The following CAMK1D variants were observed in gnomAD, a reference collection of about 807,000 sequenced individuals.
The protein encoded by CAMK1D is calcium/calmodulin dependent protein kinase ID.
Under a neutral mutation model 47.7 loss-of-function variants are expected in CAMK1D, and 9 were observed. The observed-to-expected ratio is 0.19, with a 90% CI of 0.11 to 0.33. The LOEUF is 0.33. CAMK1D is among the 10% of genes least tolerant of loss of function. CAMK1D has a pLI of 1.00. For missense variants in CAMK1D, 291 were observed against 488.7 expected, an observed-to-expected ratio of 0.60 and a Z score of 3.81; for synonymous variants, 184 against 184.9, an observed-to-expected ratio of 0.99 and a Z score of 0.04.
Position 12,635,093 on chromosome 10 carries a change from A to G in CAMK1D, c.225-31643A>G, listed in dbSNP as rs886718762. On this transcript the variant is annotated intron_variant, in intron 2 of 10. Transcript: ENST00000619168. ...AGGGACAGTGGATGATCAACAAGATAATTTTGGAAGCTGATAGGAGCTGTG... is the reference window on the plus strand; with the variant it reads ...AGGGACAGTGGATGATCAACAAGATGATTTTGGAAGCTGATAGGAGCTGTG... Among the ~76,000 whole-genome samples, 3 of 152,136 alleles carry G rather than the reference A, an allele frequency of 2.0e-5. No homozygotes were observed. The East Asian group carries it at 5.8e-4, about 29-fold the overall frequency.
intron 1 of CAMK1D, among the ~76,000 whole-genome samples, chr10:12,537,912 C>T (rs143539929): frequency 1.2e-4 from 19 of 152,024 alleles, no homozygotes; most frequent in Admixed American, 5.9e-4. Flanking sequence ...TTTAATCAAC[C>T]TGAATTCTTC....
intron 3 of CAMK1D, among the ~76,000 whole-genome samples, chr10:12,719,525 C>T (rs568070987): frequency 7.9e-5 from 12 of 152,284 alleles, no homozygotes; most frequent in Middle Eastern, 3.4e-3. Context: ...ACTTTCCTGG[C>T]GCCTGTGGGC....
intron 1 of CAMK1D, among the ~76,000 whole-genome samples, chr10:12,409,276 T>A (rs982424215): frequency 6.6e-6 from 1 of 151,142 alleles, no homozygotes; most frequent in Admixed American, 6.6e-5. Flanking sequence ...CCTATTACGG[T>A]GGACTTGGCG....
At chr10:12,375,485 C>T (rs754379625) in intron 1 of CAMK1D, among the ~76,000 whole-genome samples, 15 of 152,234 alleles carry the variant, frequency 9.9e-5, no homozygotes, top group Non-Finnish European at 2.9e-5. Context: ...TTTACAGGCC[C>T]TTTTCCTTGG....
intron 2 of CAMK1D, among the ~76,000 whole-genome samples, chr10:12,592,024 C>G (rs886422288): frequency 6.6e-6 from 1 of 150,470 alleles, no homozygotes; most frequent in African/African-American, 2.5e-5. Context: ...CTTAAAAAAG[C>G]CAATTTGTCT....
At chr10:12,511,994 G>T (rs929679012) in intron 1 of CAMK1D, among the ~76,000 whole-genome samples, 8 of 152,240 alleles carry the variant, frequency 5.3e-5, no homozygotes, top group African/African-American at 1.7e-4. Flanking sequence ...TGTGCAATGG[G>T]TGTAAAGATA....
chr10:12,534,184 ATCTG>A (rs765111053), intron 1 of CAMK1D, among the ~76,000 whole-genome samples: 42 of 150,812 alleles, frequency 2.8e-4, no homozygotes, highest in African/African-American at 4.9e-4. Flanking sequence ...CTATCTATCT[ATCTG>A]TCTATCTATC....
intron 5 of CAMK1D, among the ~76,000 whole-genome samples, chr10:12,780,290 C>T (rs943033907): frequency 6.6e-6 from 1 of 152,126 alleles, no homozygotes; most frequent in African/African-American, 2.4e-5. Flanking sequence ...TGTAAGCGTC[C>T]TCCTCTGTCT....
At chr10:12,793,121 C>T (rs575345800) in intron 6 of CAMK1D, among the ~76,000 whole-genome samples, 1 of 152,260 alleles carries the variant, frequency 6.6e-6, no homozygotes, top group South Asian at 2.1e-4. Flanking sequence ...GAGGTCCTGC[C>T]TCATCCAGCT....
At chr10:12,746,796 T>C (rs894237536) in intron 3 of CAMK1D, among the ~76,000 whole-genome samples, 1 of 152,162 alleles carries the variant, frequency 6.6e-6, no homozygotes, top group African/African-American at 2.4e-5. Flanking sequence ...GGGCATCGCT[T>C]TCCTCACCAT....
At chr10:12,815,207 C>T (rs1487431895) in intron 7 of CAMK1D, among the ~76,000 whole-genome samples, 3 of 152,154 alleles carry the variant, frequency 2.0e-5, no homozygotes, top group Non-Finnish European at 4.4e-5. Context: ...GTTCCTTCCT[C>T]AGGGAAAAAG....
intron 1 of CAMK1D, among the ~76,000 whole-genome samples, chr10:12,403,010 G>C (rs1265303725): frequency 6.6e-6 from 1 of 151,868 alleles, no homozygotes; most frequent in African/African-American, 2.4e-5. Flanking sequence ...CTGCAAGCAG[G>C]CTTTTTTTTT....
chr10:12,414,410 GGTT>G (rs1040957546), intron 1 of CAMK1D, among the ~76,000 whole-genome samples: 3 of 152,208 alleles, frequency 2.0e-5, no homozygotes, highest in Admixed American at 6.5e-5. Context: ...TTTCCTCTGT[GGTT>G]TTAGGGAAAA....
At chr10:12,571,453 C>CAA (rs766454210) in intron 2 of CAMK1D, among the ~76,000 whole-genome samples, 2,986 of 89,454 alleles carry the variant, frequency 0.033, 189 homozygotes, top group African/African-American at 0.11. Flanking sequence ...GACTCCATCA[C>CAA]AAAAAAAAAA....
chr10:12,689,934 G>A (rs1832809654), intron 3 of CAMK1D, among the ~76,000 whole-genome samples: 1 of 152,144 alleles, frequency 6.6e-6, no homozygotes, highest in African/African-American at 2.4e-5. Context: ...TTGATTGAAA[G>A]GTTTATACAA....
At chr10:12,677,927 C>G (rs1056738244) in intron 3 of CAMK1D, among the ~76,000 whole-genome samples, 6 of 152,096 alleles carry the variant, frequency 3.9e-5, no homozygotes, top group African/African-American at 1.4e-4. Context: ...ACTGCTGCTG[C>G]TTTGTCCTTC....
At chr10:12,503,529 G>T (rs1162176415) in intron 1 of CAMK1D, among the ~76,000 whole-genome samples, 1 of 152,152 alleles carries the variant, frequency 6.6e-6, no homozygotes, top group Non-Finnish European at 1.5e-5. Flanking sequence ...AAGGGAGTGG[G>T]CAAGAGCGGG....
chr10:12,789,132 T>C (rs914294338), intron 5 of CAMK1D, among the ~76,000 whole-genome samples: 1 of 152,224 alleles, frequency 6.6e-6, no homozygotes, highest in African/African-American at 2.4e-5. Context: ...CCTTTCCAAG[T>C]GTGTCCAACC....
intron 3 of CAMK1D, among the ~76,000 whole-genome samples, chr10:12,705,158 A>G (rs933011082): frequency 6.6e-6 from 1 of 152,186 alleles, no homozygotes; most frequent in African/African-American, 2.4e-5. Flanking sequence ...AAAAGAAAAT[A>G]GAACAGAATA....
Sources: allele counts gnomAD v4.1 joint callset (sites outside exome capture counted in the v4.1 genomes callset), GRCh38; gene constraint gnomAD v4.1.1; transcripts MANE v1.5; gene names NCBI Gene and HGNC (gene_info 2026-07-23, HGNC 2026-07-21).